CDYL: variants seen among roughly 807,000 people sequenced by gnomAD.
The protein encoded by CDYL is chromodomain Y-like protein.
In CDYL, 8 loss-of-function variants were observed where a neutral mutation model predicts 47.3. The observed-to-expected ratio is 0.17, with a 90% CI of 0.10 to 0.31. The LOEUF is 0.31. Ranked by LOEUF, CDYL falls within the 10% of genes least tolerant of loss-of-function variation. The probability of loss-of-function intolerance (pLI) is 1.00; values close to 1 mark genes in which losing one functional copy is unlikely to be tolerated. For synonymous variants in CDYL, 266 were observed against 265.0 expected (o/e 1.00, Z -0.04); for missense variants, 471 against 701.4 (o/e 0.67, Z 3.71).
intron 2 of CDYL, among the ~76,000 whole-genome samples, chr6:4,723,938 G>A (rs922711490): frequency 2.6e-5 from 4 of 152,220 alleles, no homozygotes; most frequent in Non-Finnish European, 5.9e-5. Flanking sequence ...CTTTCGGTTA[G>A]AATGAATGAG....
At chr6:4,826,330 C>A (rs866066352) in intron 1 of CDYL, among the ~76,000 whole-genome samples, 3 of 151,672 alleles carry the variant, frequency 2.0e-5, no homozygotes, top group Non-Finnish European at 4.4e-5. Flanking sequence ...ATTGATTTTT[C>A]TTTTCTTCTA....
chr6:4,859,834 G>A (rs1761112309), intron 1 of CDYL, among the ~76,000 whole-genome samples: 2 of 151,982 alleles, frequency 1.3e-5, no homozygotes, highest in African/African-American at 4.8e-5. Context: ...TGGCTGCCTC[G>A]TGGCTAGACT....
intron 1 of CDYL, among the ~76,000 whole-genome samples, chr6:4,865,400 G>C (rs1455783796): frequency 6.6e-6 from 1 of 152,192 alleles, no homozygotes; most frequent in African/African-American, 2.4e-5. Flanking sequence ...CCCTGCATCA[G>C]GCATAAGAAC....
At position 4,844,559 on chromosome 6, in the gene CDYL, C is replaced by A. The variant is rs570711465; in HGVS notation, c.25-47154C>A. On this transcript the variant is annotated intron_variant, in intron 1 of 6. Coordinates refer to ENST00000397588, the MANE Select transcript of CDYL (RefSeq NM_004824.4). ...GAGTGGGAGCTGCAAATTAGTCCTG[C>A]CTTTCTGTCTGCCATTTTCCTTGTG... Among the ~76,000 whole-genome samples the A allele has an allele frequency of 7.9e-5, 12 of 152,318 alleles. No individual in the cohort carries two copies. In the South Asian group the frequency reaches 1.9e-3, roughly 24 times the overall value.
intron 2 of CDYL, among the ~76,000 whole-genome samples, chr6:4,722,574 T>C (rs1300358876): frequency 2.0e-5 from 3 of 152,070 alleles, no homozygotes; most frequent in Non-Finnish European, 4.4e-5. Context: ...AAACTAAAAC[T>C]GTTTTAAAGT....
At chr6:4,777,161 G>T (rs1290846008) in intron 1 of CDYL, among the ~76,000 whole-genome samples, 3 of 146,622 alleles carry the variant, frequency 2.0e-5, no homozygotes, top group East Asian at 3.9e-4. Context: ...CGGTACGGGG[G>T]GTGGGGTGTG....
chr6:4,865,388 C>T (rs1253831167), intron 1 of CDYL, among the ~76,000 whole-genome samples: 1 of 152,242 alleles, frequency 6.6e-6, no homozygotes, highest in Non-Finnish European at 1.5e-5. Flanking sequence ...GCAGTAGGGG[C>T]TCCCTGCATC....
chr6:4,831,570 T>C (rs1191480570), intron 1 of CDYL, among the ~76,000 whole-genome samples: 1 of 152,108 alleles, frequency 6.6e-6, no homozygotes, highest in Non-Finnish European at 1.5e-5. Context: ...GGGCTCTTTT[T>C]TGGTTCCATA....
At chr6:4,832,736 T>C in intron 1 of CDYL, among the ~76,000 whole-genome samples, 1 of 148,180 alleles carries the variant, frequency 6.7e-6, no homozygotes, top group Non-Finnish European at 1.5e-5. Context: ...AGCTATTGAT[T>C]ATTGCCACAA....
At chr6:4,907,813 C>T (rs1757286021) in intron 2 of CDYL, among the ~76,000 whole-genome samples, 1 of 152,172 alleles carries the variant, frequency 6.6e-6, no homozygotes, top group African/African-American at 2.4e-5. Context: ...GTGAGGTCAG[C>T]TTCCTGTCTT....
chr6:4,944,170 C>G (rs1017668073), intron 5 of CDYL, among the ~76,000 whole-genome samples: 1 of 152,170 alleles, frequency 6.6e-6, no homozygotes, highest in African/African-American at 2.4e-5. Context: ...ACTGTTTAAT[C>G]CGTTCATTAT....
intron 2 of CDYL, among the ~76,000 whole-genome samples, chr6:4,926,320 A>T (rs1398231745): frequency 6.6e-6 from 1 of 151,634 alleles, no homozygotes; most frequent in Non-Finnish European, 1.5e-5. Context: ...AATATATGTA[A>T]ATAACAATAT....
intron 1 of CDYL, 38 bp downstream of exon 1, chr6:4,776,845 CCGCCGCCCCTCCCGGCCCGGCCG>C (rs1461082536): frequency 3.3e-5 from 26 of 790,252 alleles, no homozygotes; most frequent in Non-Finnish European, 3.9e-5. Context: ...CGCCCCCCGC[CCGCCGCCCCTCCCGGCCCGGCCG>C]CGCCGCCCGA....
intron 1 of CDYL, among the ~76,000 whole-genome samples, chr6:4,800,539 T>A (rs1210708217): frequency 6.6e-6 from 1 of 152,190 alleles, no homozygotes; most frequent in Non-Finnish European, 1.5e-5. Context: ...CTTCATTTCT[T>A]CCTGTAGCTC....
At chr6:4,721,469 G>A (rs892263057) in intron 2 of CDYL, among the ~76,000 whole-genome samples, 7 of 152,002 alleles carry the variant, frequency 4.6e-5, no homozygotes, top group Non-Finnish European at 7.4e-5. Flanking sequence ...TGCAACCTCC[G>A]ACTCCCAGGA....
chr6:4,819,150 CTCTCTCTCTCTCTGTG>C lies in CDYL; in HGVS notation c.24+42345_24+42360del, dbSNP rs1390569181. On this transcript the variant is annotated intron_variant, in intron 1 of 6. Coordinates refer to ENST00000397588, the MANE Select transcript of CDYL (RefSeq NM_004824.4). ...TCTCTCTCTCTCTCTCTCTCTCTCTCTCTCTCTCTCTCTGTGTGTGTGTGTGTGTGTGTAGCTCTTC... is the reference window on the plus strand; with the variant it reads ...TCTCTCTCTCTCTCTCTCTCTCTCTCTGTGTGTGTGTGTGTGTAGCTCTTC... Among the ~76,000 whole-genome samples, 287 of 139,426 alleles carry C rather than the reference CTCTCTCTCTCTCTGTG, an allele frequency of 2.1e-3. 2 individuals are homozygous for C. The highest frequency in any genetic ancestry group is 8.1e-3 in the African/African-American group (263 of 32,384). The allele number at this position is 139,426 out of a possible 152,430, so 91.5% of individuals were successfully genotyped here.
At chr6:4,920,611 A>G (rs768942526) in intron 2 of CDYL, among the ~76,000 whole-genome samples, 2 of 152,092 alleles carry the variant, frequency 1.3e-5, no homozygotes, top group East Asian at 1.9e-4. Context: ...TCATTAATCA[A>G]ATTCGTTCAG....
At chr6:4,780,293 C>T (rs1029351190) in intron 1 of CDYL, among the ~76,000 whole-genome samples, 2 of 146,964 alleles carry the variant, frequency 1.4e-5, no homozygotes, top group African/African-American at 2.5e-5. Flanking sequence ...GCAGTGGCTT[C>T]ATGTTGTCAG....
intron 1 of CDYL, among the ~76,000 whole-genome samples, chr6:4,865,323 A>G (rs746346423): frequency 4.6e-5 from 7 of 152,270 alleles, no homozygotes; most frequent in Admixed American, 1.3e-4. Context: ...AAAATAGCCA[A>G]TTGGAATTAG....
Sources: allele counts gnomAD v4.1 joint callset (sites outside exome capture counted in the v4.1 genomes callset), GRCh38; gene constraint gnomAD v4.1.1; transcripts MANE v1.5; gene names NCBI Gene and HGNC (gene_info 2026-07-23, HGNC 2026-07-21).